ZXDC: variants seen among roughly 807,000 people sequenced by gnomAD.
The protein encoded by ZXDC is zinc finger protein ZXDC.
In ZXDC, 58 loss-of-function variants were observed where a neutral mutation model predicts 63.6. That is an observed-to-expected ratio of 0.91 (90% CI 0.74 to 1.13). The LOEUF is 1.13. ZXDC is among the 50% of genes most tolerant of loss of function. The pLI, the probability that ZXDC is intolerant of heterozygous loss-of-function variation, is 0.00. For missense variants in ZXDC, 1,133 were observed against 1,148.9 expected (o/e 0.99, Z 0.20); for synonymous variants, 561 against 496.1 (o/e 1.13, Z -1.74).
chr3:126,467,683 A>C (rs1934825611), intron 4 of ZXDC, among the ~76,000 whole-genome samples: 1 of 152,224 alleles, frequency 6.6e-6, no homozygotes. Context: ...CTGGGAAACA[A>C]AGGAGACAGT....
intron 7 of ZXDC, chr3:126,454,695 G>A: frequency 2.0e-6 from 2 of 985,422 alleles, no homozygotes; most frequent in African/African-American, 3.5e-5. Context: ...CCTCTGATAA[G>A]CACCACACTT....
At chr3:126,470,343 T>C (rs1934937984) in intron 4 of ZXDC, among the ~76,000 whole-genome samples, 1 of 152,178 alleles carries the variant, frequency 6.6e-6, no homozygotes, top group Non-Finnish European at 1.5e-5. Flanking sequence ...GGCATACGCC[T>C]GTAGTCCCAG....
rs748735405 is a variant in ZXDC, at chr3:126,438,363, C to A, written c.*12G>T. The A allele has an allele frequency of 6.2e-7, 1 of 1,608,692 alleles. No individual in the cohort carries two copies. The highest frequency in any genetic ancestry group is 1.1e-5 in the South Asian group (1 of 89,880). On this transcript the variant is annotated 3_prime_UTR_variant, in exon 10 of 10. Transcript: ENST00000389709. ...GACCGTGGCCTTGGGCCTGCCCAGGCCGAGGCTGCCGTCACTGCAGATCCT... is the reference window on the plus strand; with the variant it reads ...GACCGTGGCCTTGGGCCTGCCCAGGACGAGGCTGCCGTCACTGCAGATCCT...
chr3:126,452,311 C>T (rs928340126), intron 7 of ZXDC: 1 of 985,342 alleles, frequency 1.0e-6, no homozygotes, highest in African/African-American at 1.7e-5. Flanking sequence ...GCTTGGACTT[C>T]TGCATGAAAT....
chr3:126,468,611 A>C (rs933391528), intron 4 of ZXDC, among the ~76,000 whole-genome samples: 1 of 151,912 alleles, frequency 6.6e-6, no homozygotes, highest in Non-Finnish European at 1.5e-5. Flanking sequence ...TCCACGGCCA[A>C]CTCCCACCTT....
chr3:126,441,936 CTG>C lies in ZXDC; in HGVS notation c.2221_2222del (p.Gln741ValfsTer59). 1 of 1,599,096 alleles carries C rather than the reference CTG, an allele frequency of 6.3e-7. No individual in the cohort carries two copies. Among genetic ancestry groups the C allele is most frequent in the South Asian group, 1.1e-5 (1 of 89,228 alleles). On this transcript the variant is annotated frameshift_variant, in exon 8 of 10. Coordinates refer to ENST00000389709, the MANE Select transcript of ZXDC (RefSeq NM_025112.5). LOFTEE classifies it high-confidence loss of function. ...CTTCTTTTATTTTTCTCTGAGTAGA[CTG>C]TGAGGCTCCTAAAATGAAATATAAA... ...RGAGSNAGAS[Q>X]STQRKIKEGK...
Position 126,472,393 on chromosome 3 carries a change from C to T in ZXDC, c.908-88G>A. 3 of 1,467,446 alleles carry T rather than the reference C, an allele frequency of 2.0e-6. No individual in the cohort carries two copies. In the South Asian group the frequency reaches 3.9e-5, roughly 19 times the overall value. 90.9% of individuals were successfully genotyped at this position (1,467,446 alleles called of 1,614,324 possible). On this transcript the variant is annotated intron_variant, in intron 1 of 9. Coordinates refer to ENST00000389709, the MANE Select transcript of ZXDC (RefSeq NM_025112.5). ...CTAGTCACACCCACCAGACCCTGTT[C>T]ACACTGAAGCAGACAAGGGAAAACA...
chr3:126,453,718 G>A, intron 7 of ZXDC: 1 of 983,370 alleles, frequency 1.0e-6, no homozygotes, highest in Non-Finnish European at 1.2e-6. Context: ...TTTGGCGAAG[G>A]AGTTTCGCTC....
intron 7 of ZXDC, chr3:126,450,337 C>T (rs770285168): frequency 2.2e-6 from 1 of 456,728 alleles, no homozygotes; most frequent in Non-Finnish European, 4.4e-6. Flanking sequence ...GCAGACAGCT[C>T]CCACTTCGGC....
At chr3:126,463,004 T>C (rs1208137886) in intron 5 of ZXDC, among the ~76,000 whole-genome samples, 12 of 151,690 alleles carry the variant, frequency 7.9e-5, no homozygotes, top group Admixed American at 7.9e-4. Context: ...TGGAGAGCCA[T>C]CTGACCACCA....
intron 5 of ZXDC, among the ~76,000 whole-genome samples, chr3:126,464,387 C>T (rs1934669576): frequency 6.6e-6 from 1 of 152,180 alleles, no homozygotes; most frequent in Non-Finnish European, 1.5e-5. Flanking sequence ...ACTCCCAGGA[C>T]CACCATTAGG....
At chr3:126,451,711 C>T in intron 7 of ZXDC, 3 of 985,408 alleles carry the variant, frequency 3.0e-6, no homozygotes, top group Non-Finnish European at 3.6e-6. Context: ...TCGTTGCCAT[C>T]CTCCTCATGA....
intron 6 of ZXDC, chr3:126,460,456 A>C: frequency 2.0e-6 from 2 of 985,050 alleles, no homozygotes; most frequent in Non-Finnish European, 2.4e-6. Context: ...GAAAATGAAC[A>C]CGGGGTTAAG....
chr3:126,460,627 A>G, intron 6 of ZXDC: 1 of 985,362 alleles, frequency 1.0e-6, no homozygotes, highest in Non-Finnish European at 1.2e-6. Context: ...AGTCACCTGT[A>G]CACTTAGCAA....
chr3:126,465,000 C>A (rs1269733514), intron 5 of ZXDC, among the ~76,000 whole-genome samples: 3 of 152,220 alleles, frequency 2.0e-5, no homozygotes. Flanking sequence ...TGCCCTGAGC[C>A]CAACCCCTCA....
chr3:126,463,461 C>T (rs989964222), intron 5 of ZXDC, among the ~76,000 whole-genome samples: 4 of 152,170 alleles, frequency 2.6e-5, no homozygotes, highest in African/African-American at 7.2e-5. Flanking sequence ...TATTCAACTA[C>T]GTAATTTAAA....
chr3:126,450,548 G>A (rs772038771), intron 7 of ZXDC: 6 of 456,524 alleles, frequency 1.3e-5, no homozygotes, highest in South Asian at 3.1e-5. Flanking sequence ...CATGTGACTA[G>A]AAATCTCTTC....
At chr3:126,444,474 G>A (rs1933805338) in intron 7 of ZXDC, among the ~76,000 whole-genome samples, 1 of 151,994 alleles carries the variant, frequency 6.6e-6, no homozygotes, top group Non-Finnish European at 1.5e-5. Flanking sequence ...AGAGCTTGCA[G>A]TGAGCCGAGA....
chr3:126,452,655 C>T (rs1934150475), intron 7 of ZXDC: 2 of 700,576 alleles, frequency 2.9e-6, no homozygotes, highest in Admixed American at 6.3e-5. Flanking sequence ...CAGAATAGTA[C>T]ATTAAATATA....
Sources: gnomAD v4.1 joint callset for allele counts (sites outside exome capture counted in the v4.1 genomes callset) on GRCh38, gnomAD v4.1.1 for gene constraint, MANE v1.5 for transcripts, NCBI Gene and HGNC (gene_info 2026-07-23, HGNC 2026-07-21) for gene names.